The following PMP22 variants were observed in gnomAD, a reference collection of about 807,000 sequenced individuals.
PMP22 encodes the protein peripheral myelin protein 22.
Under a neutral mutation model 18.9 loss-of-function variants are expected in PMP22, and 2 were observed. The ratio of observed to expected loss-of-function variants is 0.11; its 90% CI spans 0.04 to 0.33. The LOEUF (loss-of-function observed/expected upper bound fraction) is 0.33. Among genes scored for constraint, PMP22 ranks in the 10% least tolerant of loss-of-function variants. The pLI, the probability that PMP22 is intolerant of heterozygous loss-of-function variation, is 1.00. For missense variants in PMP22, 169 were observed against 202.2 expected, an observed-to-expected ratio of 0.84 and a Z score of 1.00; for synonymous variants, 95 against 89.2, an observed-to-expected ratio of 1.07 and a Z score of -0.37.
Position 15,230,327 on chromosome 17 carries a change from G to C in PMP22, c.*590C>G, listed in dbSNP as rs1235876418. On this transcript the variant is annotated 3_prime_UTR_variant, in exon 5 of 5. Coordinates refer to ENST00000312280, the MANE Select transcript of PMP22 (RefSeq NM_000304.4). The stretch of plus-strand genomic sequence containing the variant: ...AAGGGCAAGTATGCCAATGCCACAA[G>C]CCGTGTTTTTGCAAGGGCTCCAGTT... 1 of 155,694 alleles carries C rather than the reference G, an allele frequency of 6.4e-6. No individual in the cohort carries two copies. Among genetic ancestry groups the C allele is most frequent in the Non-Finnish European group, 1.4e-5 (1 of 69,986 alleles). The allele number at this position is 155,694 out of a possible 1,614,324, so 9.6% of individuals were successfully genotyped here.
At chr17:15,243,649 A>G (rs546258241) in intron 3 of PMP22, among the ~76,000 whole-genome samples, 1 of 149,444 alleles carries the variant, frequency 6.7e-6, no homozygotes, top group South Asian at 2.1e-4. Flanking sequence ...TTTATAATAT[A>G]TAATTATAGA....
At chr17:15,245,864 T>A (rs1224431705) in intron 3 of PMP22, among the ~76,000 whole-genome samples, 1 of 150,762 alleles carries the variant, frequency 6.6e-6, no homozygotes, top group African/African-American at 2.4e-5. Context: ...AAAAAAAAAA[T>A]TAGCCGGGCG....
Position 15,239,582 on chromosome 17 carries a change from T to C in PMP22, c.208A>G (p.Ile70Val). 6.2e-7 allele frequency: 1 copy of C among 1,613,894 alleles called. No individual in the cohort carries two copies. The highest frequency in any genetic ancestry group is 8.5e-7 in the Non-Finnish European group (1 of 1,179,862). ...AGAATGCTGAAGATGATCGACAGGA[T>C]CATGGTGGCCTGGACAGACTGCAGC... ...EWLQSVQATM[I>V]LSIIFSILSL... The change falls in exon 4 of 5, where the codon ATC (isoleucine) becomes GTC (valine). Residue 70 changes from isoleucine to valine, a missense_variant. Physicochemically the swap from Ile to Val is conservative, Grantham distance 29 (BLOSUM62 3). Transcript: ENST00000312280.
chr17:15,240,272 C>A (rs2150678012), intron 3 of PMP22, among the ~76,000 whole-genome samples: 1 of 152,142 alleles, frequency 6.6e-6, no homozygotes, highest in African/African-American at 2.4e-5. Flanking sequence ...ATCTGCATTC[C>A]CCAAGGAGAG....
At chr17:15,257,869 T>G (rs919571629) in intron 3 of PMP22, among the ~76,000 whole-genome samples, 7 of 152,232 alleles carry the variant, frequency 4.6e-5, no homozygotes, top group African/African-American at 1.7e-4. Flanking sequence ...CTTCTCCATG[T>G]AAATTACCAA....
At chr17:15,262,796 C>A (rs934972029) in intron 1 of PMP22, among the ~76,000 whole-genome samples, 1 of 152,214 alleles carries the variant, frequency 6.6e-6, no homozygotes, top group Admixed American at 6.5e-5. Flanking sequence ...TCACCTCCCA[C>A]CTCCCTTCTC....
Position 15,261,908 on chromosome 17 carries a change from T to G in PMP22, c.-34-1147A>C, listed in dbSNP as rs1234178043. 1 of 152,224 alleles carries G rather than the reference T, an allele frequency of 6.6e-6. No individual in the cohort carries two copies. The highest frequency in any genetic ancestry group is 1.5e-5 in the Non-Finnish European group (1 of 68,042). The allele number at this position is 152,224 out of a possible 1,614,324, so 9.4% of individuals were successfully genotyped here. On this transcript the variant is annotated intron_variant, in intron 1 of 4. Transcript: ENST00000312280. The surrounding 1 kb of genome is among the most constrained non-coding windows in gnomAD (Gnocchi z 5.2). Reference sequence around the variant, plus strand: ...AGTCTTGGGCCAGGGAGACAACGTTTCAATAACCCAGTTTGGAAAGTACCC... The same window carrying G: ...AGTCTTGGGCCAGGGAGACAACGTTGCAATAACCCAGTTTGGAAAGTACCC...
intron 3 of PMP22, among the ~76,000 whole-genome samples, chr17:15,255,346 T>C (rs1908732600): frequency 6.6e-6 from 1 of 152,194 alleles, no homozygotes; most frequent in African/African-American, 2.4e-5. Context: ...GGTGTGACCA[T>C]GTCACATTTC....
At chr17:15,240,165 C>A (rs965546544) in intron 3 of PMP22, among the ~76,000 whole-genome samples, 1 of 152,176 alleles carries the variant, frequency 6.6e-6, no homozygotes, top group Non-Finnish European at 1.5e-5. Context: ...CTGAGCCCTG[C>A]CTACTACCTT....
chr17:15,235,197 A>G (rs779330487), intron 4 of PMP22: 100 of 717,294 alleles, frequency 1.4e-4, no homozygotes, highest in Non-Finnish European at 2.4e-4. Flanking sequence ...AATAACAAAA[A>G]GAGAGAGAAA....
intron 3 of PMP22, among the ~76,000 whole-genome samples, chr17:15,250,244 T>A (rs1352703671): frequency 6.6e-6 from 1 of 152,124 alleles, no homozygotes; most frequent in Non-Finnish European, 1.5e-5. Context: ...TGACAATATC[T>A]CCTGGCATTC....
chr17:15,242,790 A>G (rs1215260954), intron 3 of PMP22, among the ~76,000 whole-genome samples: 2 of 152,212 alleles, frequency 1.3e-5, no homozygotes, highest in African/African-American at 4.8e-5. Flanking sequence ...TTTCAAACTG[A>G]CTATAAGGGC....
At chr17:15,249,190 T>C (rs149270194) in intron 3 of PMP22, among the ~76,000 whole-genome samples, 226 of 152,284 alleles carry the variant, frequency 1.5e-3, no homozygotes, top group African/African-American at 5.1e-3. Flanking sequence ...TTCTACCCCA[T>C]TGCCAAGGCC....
intron 4 of PMP22, chr17:15,232,358 C>T (rs1292953219): frequency 6.6e-6 from 1 of 152,226 alleles, no homozygotes; most frequent in African/African-American, 2.4e-5. Context: ...CATCCAGGAC[C>T]TGCCACCTAC....
rs925414870 is a variant in PMP22, at chr17:15,239,529, G to A, written c.261C>T (p.Leu87=). ...ACCTGCCCCCCTTGGTGAGGGTGAA[G>A]AGTTGGCAGAAGAACAGGAACAGAG... ...ILSLFLFFCQ[L]FTLTKGGRFY... is the part of the protein sequence containing the mutation. The change falls in exon 4 of 5, where the codon CTC becomes CTT. Residue 87 remains leucine, a synonymous_variant. Coordinates refer to ENST00000312280, the MANE Select transcript of PMP22 (RefSeq NM_000304.4). 6 of 1,613,986 alleles carry A rather than the reference G, an allele frequency of 3.7e-6. No homozygotes were observed. The Admixed American group carries it at 1.0e-4, about 27-fold the overall frequency.
At chr17:15,255,381 T>C (rs554676206) in intron 3 of PMP22, among the ~76,000 whole-genome samples, 1 of 152,284 alleles carries the variant, frequency 6.6e-6, no homozygotes, top group South Asian at 2.1e-4. Flanking sequence ...AGATTCATTC[T>C]TCCCCACCTC....
Position 15,261,684 on chromosome 17 carries a change from G to A in PMP22, c.-34-923C>T, listed in dbSNP as rs1909357151. 1 of 152,294 alleles carries A rather than the reference G, an allele frequency of 6.6e-6. No individual in the cohort carries two copies. Among genetic ancestry groups the A allele is most frequent in the African/African-American group, 2.4e-5 (1 of 41,464 alleles). The allele number at this position is 152,294 out of a possible 1,614,324, so 9.4% of individuals were successfully genotyped here. On this transcript the variant is annotated intron_variant, in intron 1 of 4. Coordinates refer to ENST00000312280, the MANE Select transcript of PMP22 (RefSeq NM_000304.4). The surrounding 1 kb of genome is among the most constrained non-coding windows in gnomAD (Gnocchi z 5.2). Reference sequence around the variant, plus strand: ...GACCGAAGGGAGTAGATGTCCAGCGGACGGGAGAGAGAGACAGAGGGTAAA... The same window carrying A: ...GACCGAAGGGAGTAGATGTCCAGCGAACGGGAGAGAGAGACAGAGGGTAAA...
intron 3 of PMP22, among the ~76,000 whole-genome samples, chr17:15,250,415 A>G (rs1052343193): frequency 1.1e-4 from 16 of 151,884 alleles, no homozygotes; most frequent in African/African-American, 3.9e-4. Context: ...AACATTGAAT[A>G]CCCTTCGGTA....
chr17:15,232,992 T>C (rs1224930008), intron 4 of PMP22, among the ~76,000 whole-genome samples: 1 of 152,182 alleles, frequency 6.6e-6, no homozygotes, highest in African/African-American at 2.4e-5. Flanking sequence ...CTTTATATGA[T>C]TGTTGTCATG....
Sources: allele counts gnomAD v4.1 joint callset (sites outside exome capture counted in the v4.1 genomes callset), GRCh38; gene constraint gnomAD v4.1.1; non-coding constraint Gnocchi (gnomAD v3.1); transcripts MANE v1.5; gene names NCBI Gene and HGNC (gene_info 2026-07-23, HGNC 2026-07-21).